Variants in KIF3B observed in about 807,000 individuals in gnomAD.
KIF3B encodes kinesin-like protein KIF3B.
KIF3B carries 38 observed loss-of-function variants against 74.3 expected under a neutral mutation model. The observed-to-expected ratio is 0.51, with a 90% confidence interval of 0.39 to 0.67. KIF3B has a LOEUF of 0.67. KIF3B is among the 30% of genes least tolerant of loss of function. The pLI is 0.00. For missense variants in KIF3B, 649 were observed against 932.0 expected (o/e 0.70, Z 3.95); for synonymous variants, 326 against 342.5 (o/e 0.95, Z 0.53).
At chr20:32,328,130 T>C (rs1600440531) in intron 7 of KIF3B, among the ~76,000 whole-genome samples, 1 of 150,768 alleles carries the variant, frequency 6.6e-6, no homozygotes, top group East Asian at 2.0e-4. Flanking sequence ...ATAATAAAAA[T>C]AATAACTAAT....
chr20:32,313,555 C>T (rs1419048661), intron 2 of KIF3B, among the ~76,000 whole-genome samples: 5 of 152,066 alleles, frequency 3.3e-5, no homozygotes, highest in African/African-American at 1.2e-4. Context: ...CCTTCTAGCA[C>T]TTTTAAGACC....
At chr20:32,289,895 T>C (rs2047683498) in intron 1 of KIF3B, among the ~76,000 whole-genome samples, 1 of 152,162 alleles carries the variant, frequency 6.6e-6, no homozygotes, top group Non-Finnish European at 1.5e-5. Context: ...TAACTCAGTG[T>C]GCCATGTTAC....
intron 1 of KIF3B, among the ~76,000 whole-genome samples, chr20:32,303,228 T>C (rs1345746001): frequency 6.6e-6 from 1 of 152,160 alleles, no homozygotes; most frequent in Non-Finnish European, 1.5e-5. Context: ...CTCAATTTAA[T>C]CTGAATTTTT....
chr20:32,279,527 G>A (rs1164634971), intron 1 of KIF3B, among the ~76,000 whole-genome samples: 1 of 150,794 alleles, frequency 6.6e-6, no homozygotes, highest in African/African-American at 2.4e-5. Flanking sequence ...GTGCAATGGT[G>A]CCATCTCAGC....
chr20:32,323,726 G>A (rs2047888760), intron 5 of KIF3B, among the ~76,000 whole-genome samples: 1 of 151,752 alleles, frequency 6.6e-6, no homozygotes, highest in Non-Finnish European at 1.5e-5. Flanking sequence ...AAAAATACAA[G>A]AATTAGCTGG....
At chr20:32,303,575 A>T (rs1223960272) in intron 1 of KIF3B, among the ~76,000 whole-genome samples, 1 of 150,530 alleles carries the variant, frequency 6.6e-6, no homozygotes, top group African/African-American at 2.4e-5. Flanking sequence ...AAAAAAAAAA[A>T]TGTTAATTTA....
intron 1 of KIF3B, among the ~76,000 whole-genome samples, chr20:32,297,217 G>C (rs1188229739): frequency 1.3e-5 from 2 of 152,210 alleles, no homozygotes; most frequent in African/African-American, 2.4e-5. Context: ...GTGGTTGCGT[G>C]ATCTGATCTT....
chr20:32,278,921 C>CTTT (rs57355936), intron 1 of KIF3B, among the ~76,000 whole-genome samples: 35,450 of 118,058 alleles, frequency 0.3, 6,080 homozygotes, highest in East Asian at 0.66. Flanking sequence ...CTTAAGAATC[C>CTTT]TTTTTTTTTT....
At chr20:32,315,432 C>T (rs151225977) in intron 2 of KIF3B, among the ~76,000 whole-genome samples, 195 of 152,266 alleles carry the variant, frequency 1.3e-3, no homozygotes, top group African/African-American at 4.2e-3. Flanking sequence ...TCTGACTGGG[C>T]GCTGTGCTCA....
At chr20:32,326,038 C>T (rs961514088) in intron 5 of KIF3B, among the ~76,000 whole-genome samples, 1 of 152,068 alleles carries the variant, frequency 6.6e-6, no homozygotes, top group Non-Finnish European at 1.5e-5. Context: ...TACCTCTGTG[C>T]TGTTTGCTTT....
intron 5 of KIF3B, among the ~76,000 whole-genome samples, chr20:32,322,780 T>TTATATATATTTA (rs1199705807): frequency 3.4e-5 from 2 of 58,060 alleles, no homozygotes; most frequent in South Asian, 4.8e-4. Context: ...ATATATATAT[T>TTATATATATTTA]TATATATATT....
chr20:32,299,379 GTATATA>G (rs1555895040), intron 1 of KIF3B, among the ~76,000 whole-genome samples: 8 of 23,096 alleles, frequency 3.5e-4, no homozygotes, highest in Admixed American at 2.1e-3. Context: ...TGGTGTGTGT[GTATATA>G]TATATATATA....
intron 2 of KIF3B, among the ~76,000 whole-genome samples, chr20:32,312,192 C>A (rs560107235): frequency 9.9e-5 from 15 of 150,786 alleles, no homozygotes; most frequent in African/African-American, 2.4e-5. Flanking sequence ...GCAGCCTTGA[C>A]CTCCTAGGCT....
chr20:32,316,676 G>A, intron 4 of KIF3B, 27 bp downstream of exon 4: 1 of 1,614,080 alleles, frequency 6.2e-7, no homozygotes, highest in African/African-American at 1.3e-5. Flanking sequence ...GCCAGATGGA[G>A]TTGCCTTGAG....
chr20:32,322,792 A>ATT (rs1183829974), intron 5 of KIF3B, among the ~76,000 whole-genome samples: 1 of 60,744 alleles, frequency 1.6e-5, no homozygotes, highest in Non-Finnish European at 2.5e-5. Flanking sequence ...ATATATATTT[A>ATT]TATATATATT....
chr20:32,288,033 C>G (rs2122657820), intron 1 of KIF3B, among the ~76,000 whole-genome samples: 1 of 151,922 alleles, frequency 6.6e-6, no homozygotes, highest in South Asian at 2.1e-4. Flanking sequence ...CAGGTGCACA[C>G]CACCACGCCC....
intron 5 of KIF3B, among the ~76,000 whole-genome samples, chr20:32,325,377 ACAGGGTTTTGC>A (rs1254798571): frequency 6.6e-6 from 1 of 151,958 alleles, no homozygotes; most frequent in African/African-American, 2.4e-5. Flanking sequence ...TTTAGTAGAG[ACAGGGTTTTGC>A]CATGTTTATC....
chr20:32,318,302 CAA>C (rs11484333), intron 5 of KIF3B, among the ~76,000 whole-genome samples: 1 of 145,282 alleles, frequency 6.9e-6, no homozygotes, highest in Admixed American at 6.9e-5. Flanking sequence ...ATTCTTGTCT[CAA>C]AAAAAAAAAA....
chr20:32,281,551 T>A (rs1156955325), intron 1 of KIF3B, among the ~76,000 whole-genome samples: 1 of 152,162 alleles, frequency 6.6e-6, no homozygotes, highest in Admixed American at 6.6e-5. Context: ...ATCCCATCTC[T>A]ATTAAAAATA....
Sources: allele counts gnomAD v4.1 joint callset (sites outside exome capture counted in the v4.1 genomes callset), GRCh38; gene constraint gnomAD v4.1.1; transcripts MANE v1.5; gene names NCBI Gene and HGNC (gene_info 2026-07-23, HGNC 2026-07-21).